SYT17: variants seen among roughly 807,000 people sequenced by gnomAD.
The protein encoded by SYT17 is synaptotagmin-17.
In SYT17, 22 loss-of-function variants were observed where a neutral mutation model predicts 46.7. The ratio of observed to expected loss-of-function variants is 0.47; its 90% confidence interval spans 0.34 to 0.67. The LOEUF is 0.67. Among genes scored for constraint, SYT17 ranks in the 30% least tolerant of loss-of-function variants. The probability of loss-of-function intolerance (pLI) is 0.01; values close to 1 mark genes in which losing one functional copy is unlikely to be tolerated. For missense variants in SYT17, 519 were observed against 612.8 expected, an observed-to-expected ratio of 0.85 and a Z score of 1.62; for synonymous variants, 251 against 248.4, an observed-to-expected ratio of 1.01 and a Z score of -0.10.
chr16:19,225,410 G>C (rs116002841), intron 7 of SYT17, among the ~76,000 whole-genome samples: 1,598 of 152,152 alleles, frequency 0.011, 23 homozygotes, highest in African/African-American at 0.036. Flanking sequence ...ATTTTTCCAG[G>C]GTGTAATCTA....
intron 7 of SYT17, among the ~76,000 whole-genome samples, chr16:19,260,363 A>AT (rs1968878914): frequency 8.3e-6 from 1 of 120,672 alleles, no homozygotes; most frequent in African/African-American, 3.0e-5. Context: ...AAAAAAAAAA[A>AT]GCCAGGCATA....
intron 7 of SYT17, chr16:19,250,189 C>T: frequency 9.2e-7 from 1 of 1,086,184 alleles, no homozygotes; most frequent in Admixed American, 3.3e-5. Context: ...TATTTCTACC[C>T]ATCAGATTCT....
chr16:19,175,289 A>G (rs895916537), intron 3 of SYT17, among the ~76,000 whole-genome samples: 4 of 152,142 alleles, frequency 2.6e-5, no homozygotes, highest in Non-Finnish European at 4.4e-5. Context: ...TTCATTATTC[A>G]TAAGTTGTGG....
At chr16:19,246,989 G>A (rs1243588567) in intron 7 of SYT17, among the ~76,000 whole-genome samples, 1 of 152,160 alleles carries the variant, frequency 6.6e-6, no homozygotes, top group African/African-American at 2.4e-5. Context: ...GTGATGCATG[G>A]GGTGAGGGTG....
chr16:19,186,225 C>A lies in SYT17; in HGVS notation c.951+2078C>A, dbSNP rs538799859. 5.9e-5 allele frequency among the ~76,000 whole-genome samples: 9 copies of A among 152,156 alleles called. No individual in the cohort carries two copies. In the East Asian group the frequency reaches 1.3e-3, roughly 23 times the overall value. ...AGTGCAATGGCTCACACCTGTAATC[C>A]CAGCACTTTGGGAGGTTGAGGTGGG... On this transcript the variant is annotated intron_variant, in intron 5 of 7. Transcript: ENST00000355377.
chr16:19,185,242 G>A (rs546255743), intron 5 of SYT17, among the ~76,000 whole-genome samples: 2 of 152,172 alleles, frequency 1.3e-5, no homozygotes, highest in Admixed American at 6.5e-5. Context: ...GAACAGGGAC[G>A]GGAGATGGAG....
chr16:19,246,076 GCTCACTGCAAC>G (rs1215061620), intron 7 of SYT17, among the ~76,000 whole-genome samples: 3 of 151,516 alleles, frequency 2.0e-5, no homozygotes, highest in Non-Finnish European at 2.9e-5. Context: ...TGCGATCTTG[GCTCACTGCAAC>G]CTCTGCCTGC....
chr16:19,231,022 G>A (rs747724237), intron 7 of SYT17, among the ~76,000 whole-genome samples: 4 of 152,124 alleles, frequency 2.6e-5, no homozygotes, highest in Admixed American at 1.3e-4. Context: ...GTTTATCTAC[G>A]TTGTCTACAT....
chr16:19,231,824 G>T (rs1340348149), intron 7 of SYT17, among the ~76,000 whole-genome samples: 1 of 152,228 alleles, frequency 6.6e-6, no homozygotes, highest in East Asian at 1.9e-4. Flanking sequence ...TTCACGGCCT[G>T]TGTTCTCATG....
chr16:19,266,831 C>A (rs367946725), intron 7 of SYT17, 49 bp from the exon 8 acceptor site: 4 of 1,559,162 alleles, frequency 2.6e-6, no homozygotes, highest in African/African-American at 1.4e-5. Flanking sequence ...TGTTCTGTTC[C>A]CCTCCTTCCT....
chr16:19,204,188 C>T (rs1267716964), intron 5 of SYT17, among the ~76,000 whole-genome samples: 2 of 152,104 alleles, frequency 1.3e-5, no homozygotes, highest in Admixed American at 6.5e-5. Flanking sequence ...CCCCTGGCCC[C>T]ACCCATTAGA....
intron 5 of SYT17, among the ~76,000 whole-genome samples, chr16:19,193,708 A>G (rs1965117696): frequency 6.6e-6 from 1 of 152,172 alleles, no homozygotes; most frequent in African/African-American, 2.4e-5. Flanking sequence ...GAGACCAATA[A>G]AGTGTCTCAC....
intron 5 of SYT17, among the ~76,000 whole-genome samples, chr16:19,219,856 T>TTTTTG (rs533510663): frequency 7.9e-4 from 121 of 152,250 alleles, no homozygotes; most frequent in Non-Finnish European, 1.0e-3. Context: ...TTCTGTTTTG[T>TTTTTG]TTTTGTTTTG....
chr16:19,178,114 A>T (rs1289624287), intron 3 of SYT17, among the ~76,000 whole-genome samples: 3 of 150,760 alleles, frequency 2.0e-5, no homozygotes, highest in Non-Finnish European at 4.4e-5. Flanking sequence ...GACGGAGTCT[A>T]GCTCTGTCGC....
At chr16:19,232,124 G>A (rs1966719359) in intron 7 of SYT17, among the ~76,000 whole-genome samples, 1 of 152,178 alleles carries the variant, frequency 6.6e-6, no homozygotes, top group Non-Finnish European at 1.5e-5. Flanking sequence ...AAAACTGCCA[G>A]GGGTTGGCAT....
chr16:19,168,607 G>T lies in SYT17; in HGVS notation c.-40G>T, dbSNP rs1963956187. 6.5e-7 allele frequency: 1 copy of T among 1,541,822 alleles called. No individual in the cohort carries two copies. The highest frequency in any genetic ancestry group is 8.8e-7 in the Non-Finnish European group (1 of 1,142,252). On this transcript the variant is annotated 5_prime_UTR_variant, in exon 1 of 8. Transcript: ENST00000355377. This position sits in a 1 kb window ranked among gnomAD's most constrained non-coding sequence, Gnocchi z 6.9. ...TTGGCGAGGGCAAAGTGGCCGTGGCGGCGCCATGCCCGGGCCGGAGTGAGT... is the reference window on the plus strand; with the variant it reads ...TTGGCGAGGGCAAAGTGGCCGTGGCTGCGCCATGCCCGGGCCGGAGTGAGT...
At chr16:19,170,333 C>G (rs543941222) in intron 1 of SYT17, 1 of 151,652 alleles carries the variant, frequency 6.6e-6, no homozygotes, top group African/African-American at 2.4e-5. Flanking sequence ...CTTTTAAAAA[C>G]TCACAAATTA....
chr16:19,223,292 T>G, intron 6 of SYT17, 127 bp downstream of exon 6: 1 of 1,213,406 alleles, frequency 8.2e-7, no homozygotes, highest in South Asian at 1.6e-5. Context: ...AGGTAAATGA[T>G]GCCATCTTAG....
chr16:19,236,782 A>G (rs559902020), intron 7 of SYT17, among the ~76,000 whole-genome samples: 349 of 152,330 alleles, frequency 2.3e-3, no homozygotes, highest in Middle Eastern at 3.4e-3. Flanking sequence ...CAGTATAGCC[A>G]GCCAGAGAAG....
Sources: gnomAD v4.1 joint callset for allele counts (sites outside exome capture counted in the v4.1 genomes callset) on GRCh38, gnomAD v4.1.1 for gene constraint, Gnocchi (gnomAD v3.1) non-coding constraint, MANE v1.5 for transcripts, NCBI Gene and HGNC (gene_info 2026-07-23, HGNC 2026-07-21) for gene names.